NTN4: variants seen among roughly 807,000 people sequenced by gnomAD.
NTN4 encodes netrin-4.
NTN4 carries 32 observed loss-of-function variants against 73.6 expected under a neutral mutation model. The ratio of observed to expected loss-of-function variants is 0.44; its 90% CI spans 0.33 to 0.58. The LOEUF (loss-of-function observed/expected upper bound fraction) is 0.58, where lower values mean the gene tolerates loss of function less well. Among genes scored for constraint, NTN4 ranks in the 20% least tolerant of loss-of-function variants. The pLI is 0.04. For missense variants in NTN4, 654 were observed against 798.3 expected (o/e 0.82, Z 2.18); for synonymous variants, 258 against 287.5 (o/e 0.90, Z 1.04).
intron 1 of NTN4, among the ~76,000 whole-genome samples, chr12:95,788,649 C>T (rs1054710461): frequency 8.5e-5 from 13 of 152,344 alleles, no homozygotes; most frequent in African/African-American, 2.6e-4. Flanking sequence ...ACAGCTTAGG[C>T]TGCAACAGAG....
chr12:95,731,160 C>A (rs1278420597), intron 3 of NTN4, among the ~76,000 whole-genome samples: 1 of 152,184 alleles, frequency 6.6e-6, no homozygotes, highest in East Asian at 1.9e-4. Flanking sequence ...TTTCTGGTGA[C>A]ATTGAAATGT....
chr12:95,661,609 C>T (rs1271118552), intron 9 of NTN4, among the ~76,000 whole-genome samples: 1 of 152,160 alleles, frequency 6.6e-6, no homozygotes. Context: ...GTACCATGTG[C>T]ATTTGACATG....
intron 5 of NTN4, among the ~76,000 whole-genome samples, chr12:95,707,165 C>T (rs2121072967): frequency 6.6e-6 from 1 of 152,318 alleles, no homozygotes; most frequent in Admixed American, 6.5e-5. Context: ...AAAACCCTTG[C>T]AGTGGCTCAT....
At chr12:95,706,408 T>C (rs1439755397) in intron 5 of NTN4, among the ~76,000 whole-genome samples, 1 of 152,248 alleles carries the variant, frequency 6.6e-6, no homozygotes, top group Non-Finnish European at 1.5e-5. Context: ...AAGGGCTTCA[T>C]CTGTTTTAAT....
chr12:95,676,994 C>G (rs1235497784), intron 7 of NTN4, among the ~76,000 whole-genome samples: 1 of 152,002 alleles, frequency 6.6e-6, no homozygotes, highest in African/African-American at 2.4e-5. Flanking sequence ...CCCAGCACTT[C>G]GGGAGGCTGA....
At chr12:95,708,635 C>T (rs918900505) in intron 5 of NTN4, among the ~76,000 whole-genome samples, 12 of 152,144 alleles carry the variant, frequency 7.9e-5, no homozygotes, top group African/African-American at 2.4e-4. Flanking sequence ...TCTCAAACTC[C>T]TCGGCTCAAG....
At chr12:95,737,542 G>C (rs1477778493) in intron 3 of NTN4, among the ~76,000 whole-genome samples, 1 of 152,134 alleles carries the variant, frequency 6.6e-6, no homozygotes, top group Non-Finnish European at 1.5e-5. Flanking sequence ...TACTGTCAAA[G>C]CTGGCTTGTG....
intron 9 of NTN4, among the ~76,000 whole-genome samples, chr12:95,659,677 A>G (rs1238830166): frequency 6.6e-6 from 1 of 152,240 alleles, no homozygotes; most frequent in East Asian, 1.9e-4. Context: ...AGCATTTACT[A>G]TGCTTAGTGC....
chr12:95,665,834 A>G lies in NTN4; in HGVS notation c.1726T>C (p.Cys576Arg). Residue 576 changes from cysteine (C) to arginine (R), a missense_variant, in exon 9 of 10, where the codon TGC becomes CGC. Physicochemically the swap from Cys to Arg is radical, Grantham distance 180. Transcript: ENST00000343702. ...CCAGGATTGAGGATTGGACAAGTGC[A>G]TCCTCTGTCCGTCCATGATTCTGGA... ...LYPESWTDRG[C>R]TCPILNPGLE... 6.2e-7 allele frequency: 1 copy of G among 1,613,920 alleles called. No individual in the cohort carries two copies. The highest frequency in any genetic ancestry group is 8.5e-7 in the Non-Finnish European group (1 of 1,179,894).
At chr12:95,719,001 G>A (rs1471295012) in intron 3 of NTN4, among the ~76,000 whole-genome samples, 1 of 152,084 alleles carries the variant, frequency 6.6e-6, no homozygotes, top group Non-Finnish European at 1.5e-5. Context: ...ATGCTTTGAA[G>A]GACTTACATT....
intron 2 of NTN4, among the ~76,000 whole-genome samples, chr12:95,778,215 A>C (rs1483278166): frequency 2.0e-5 from 3 of 152,264 alleles, no homozygotes; most frequent in Non-Finnish European, 1.5e-5. Flanking sequence ...AGCAGGAAAT[A>C]TCTAAAATTG....
At chr12:95,761,487 T>C (rs920717948) in intron 2 of NTN4, among the ~76,000 whole-genome samples, 4 of 151,928 alleles carry the variant, frequency 2.6e-5, no homozygotes, top group Non-Finnish European at 4.4e-5. Context: ...CTCGTCACCA[T>C]GCCCAGCTAA....
At chr12:95,726,011 AAT>A (rs1207976804) in intron 3 of NTN4, among the ~76,000 whole-genome samples, 1 of 152,116 alleles carries the variant, frequency 6.6e-6, no homozygotes, top group African/African-American at 2.4e-5. Context: ...CTTGAAAAGA[AAT>A]ATATTTATTC....
chr12:95,674,076 G>A (rs2078254898), intron 7 of NTN4: 1 of 152,028 alleles, frequency 6.6e-6, no homozygotes, highest in South Asian at 2.1e-4. Flanking sequence ...GAGGTGGGAG[G>A]ATTGCTTGAG....
chr12:95,729,613 A>AAGAG (rs59395729), intron 3 of NTN4, among the ~76,000 whole-genome samples: 98 of 138,148 alleles, frequency 7.1e-4, no homozygotes, highest in East Asian at 1.5e-3. Context: ...AATTATTATA[A>AAGAG]AGAGAGAGAG....
chr12:95,763,976 G>A (rs2079004918), intron 2 of NTN4, among the ~76,000 whole-genome samples: 1 of 152,230 alleles, frequency 6.6e-6, no homozygotes, highest in Admixed American at 6.5e-5. Context: ...TTTGGGAGGT[G>A]AGAAAGGGGA....
intron 2 of NTN4, among the ~76,000 whole-genome samples, chr12:95,766,141 G>A (rs2121257371): frequency 6.6e-6 from 1 of 152,256 alleles, no homozygotes; most frequent in South Asian, 2.1e-4. Context: ...ACATCCTTAT[G>A]TTCAGTGGCT....
rs555189134 is a variant in NTN4, at chr12:95,774,194, A to G, written c.585+12745T>C. ...TTCTCTCTTTTTTTTTTTAAAAAAA[A>G]AAGATTGGCATTATAATAAAGTCTA... On this transcript the variant is annotated intron_variant, in intron 2 of 9. Transcript: ENST00000343702. 9.7e-3 allele frequency among the ~76,000 whole-genome samples: 1,476 copies of G among 151,804 alleles called. 29 individuals carry two copies. Among genetic ancestry groups the G allele is most frequent in the Middle Eastern group, 0.044 (13 of 294 alleles).
At chr12:95,716,320 C>T (rs985871075) in intron 3 of NTN4, among the ~76,000 whole-genome samples, 6 of 152,086 alleles carry the variant, frequency 3.9e-5, no homozygotes, top group African/African-American at 9.7e-5. Flanking sequence ...TGGGATTTTC[C>T]TTAGGGAGCA....
Sources: gnomAD v4.1 joint callset for allele counts (sites outside exome capture counted in the v4.1 genomes callset) on GRCh38, gnomAD v4.1.1 for gene constraint, MANE v1.5 for transcripts, NCBI Gene and HGNC (gene_info 2026-07-23, HGNC 2026-07-21) for gene names.